The following FRMPD4 variants were observed in gnomAD, a reference collection of about 807,000 sequenced individuals.
The protein encoded by FRMPD4 is FERM and PDZ domain containing 4.
In FRMPD4, 22 loss-of-function variants were observed where a neutral mutation model predicts 94.1. That is an observed-to-expected ratio of 0.23 (90% CI 0.17 to 0.33). The LOEUF is 0.33. FRMPD4 is among the 10% of genes least tolerant of loss of function. The pLI, the probability that FRMPD4 is intolerant of heterozygous loss-of-function variation, is 1.00. For synonymous variants in FRMPD4, 631 were observed against 548.6 expected, an observed-to-expected ratio of 1.15 and a Z score of -2.10; for missense variants, 1,111 against 1,339.9, an observed-to-expected ratio of 0.83 and a Z score of 2.67.
At chrX:12,643,412 C>T (rs1239768905) in intron 4 of FRMPD4, among the ~76,000 whole-genome samples, 2 of 111,668 alleles carry the variant, frequency 1.8e-5, no homozygotes, top group East Asian at 2.8e-4. Context: ...CGTGAGGCAC[C>T]GTGCCTGGCA....
intron 1 of FRMPD4, among the ~76,000 whole-genome samples, chrX:12,374,662 G>T (rs1278205585): frequency 8.9e-6 from 1 of 112,027 alleles, no homozygotes; most frequent in East Asian, 2.8e-4. Flanking sequence ...TAAGATTAGG[G>T]TGAGGGTAGG....
At chrX:12,000,780 C>G (rs1275965379) in intron 3 of FRMPD4, among the ~76,000 whole-genome samples, 2 of 111,841 alleles carry the variant, frequency 1.8e-5, no homozygotes, top group Non-Finnish European at 3.8e-5. Context: ...CCTTCTTTAT[C>G]ACACTGAATT....
chrX:12,466,731 G>C (rs918226787), intron 1 of FRMPD4, among the ~76,000 whole-genome samples: 4 of 112,145 alleles, frequency 3.6e-5, no homozygotes, highest in Admixed American at 9.5e-5. Context: ...TGCACTGCCT[G>C]AAGACCATGC....
intron 2 of FRMPD4, among the ~76,000 whole-genome samples, chrX:12,564,611 T>C (rs12013511): frequency 0.026 from 2,901 of 111,966 alleles, 102 homozygotes; most frequent in African/African-American, 0.09. Flanking sequence ...AAGTGAACTT[T>C]ATACTCAGTA....
chrX:12,157,463 C>T (rs1211138676), intron 1 of FRMPD4, among the ~76,000 whole-genome samples: 1 of 111,512 alleles, frequency 9.0e-6, no homozygotes, highest in Non-Finnish European at 1.9e-5. Flanking sequence ...GAGAGCTTGG[C>T]CCCAGCATTT....
At chrX:12,030,716 C>T (rs1179888005) in intron 3 of FRMPD4, among the ~76,000 whole-genome samples, 1 of 111,442 alleles carries the variant, frequency 9.0e-6, no homozygotes, top group Non-Finnish European at 1.9e-5. Context: ...AAAATGAAGC[C>T]TAAAAGCAAG....
intron 3 of FRMPD4, among the ~76,000 whole-genome samples, chrX:12,040,149 T>A (rs6640869): frequency 0.061 from 6,726 of 110,461 alleles, 243 homozygotes; most frequent in East Asian, 0.23. Flanking sequence ...ATCTGTAACT[T>A]GAAATGTTGA....
intron 1 of FRMPD4, among the ~76,000 whole-genome samples, chrX:12,477,866 T>C (rs2057623575): frequency 8.9e-6 from 1 of 112,639 alleles, no homozygotes; most frequent in Admixed American, 9.4e-5. Flanking sequence ...TGGAGGAACT[T>C]ACAGTTTTGT....
intron 1 of FRMPD4, among the ~76,000 whole-genome samples, chrX:12,324,040 A>G (rs1404124396): frequency 8.9e-6 from 1 of 111,901 alleles, no homozygotes; most frequent in Non-Finnish European, 1.9e-5. Flanking sequence ...TCTGTGTGCC[A>G]TGGCTTTGAA....
chrX:12,362,564 C>T (rs1231201718), intron 1 of FRMPD4, among the ~76,000 whole-genome samples: 2 of 111,442 alleles, frequency 1.8e-5, no homozygotes, highest in Non-Finnish European at 3.8e-5. Context: ...CATAGTATTC[C>T]ATGGTGTATA....
At chrX:11,906,997 T>C (rs887561882) in intron 3 of FRMPD4, among the ~76,000 whole-genome samples, 1 of 111,157 alleles carries the variant, frequency 9.0e-6, no homozygotes, top group African/African-American at 3.3e-5. Flanking sequence ...CAAGTCTGTC[T>C]AGTGAATTTA....
chrX:12,512,705 T>C (rs1159547594), intron 2 of FRMPD4, among the ~76,000 whole-genome samples: 2 of 112,700 alleles, frequency 1.8e-5, no homozygotes, highest in Middle Eastern at 4.6e-3. Context: ...AACTTTATAA[T>C]AGAATGATCT....
At chrX:12,108,255 TG>T (rs1601943164) in intron 3 of FRMPD4, among the ~76,000 whole-genome samples, 1 of 111,121 alleles carries the variant, frequency 9.0e-6, no homozygotes, top group African/African-American at 3.3e-5. Flanking sequence ...CAGAAGAGAG[TG>T]GGGGCCAATA....
Position 12,367,277 on chromosome X carries a change from T to C in FRMPD4, c.42-131403T>C, listed in dbSNP as rs115155861. Among the ~76,000 whole-genome samples the C allele has an allele frequency of 6.2e-3, 696 of 111,666 alleles. 6 individuals carry two copies. The highest frequency in any genetic ancestry group is 0.021 in the African/African-American group (648 of 30,725). ...CCTTTCTAAATACAGATGAGGTTTCTATCCAGCTGGACCACCTCTGGGTGG... is the reference window on the plus strand; with the variant it reads ...CCTTTCTAAATACAGATGAGGTTTCCATCCAGCTGGACCACCTCTGGGTGG... On this transcript the variant is annotated intron_variant, in intron 1 of 16. Coordinates refer to ENST00000675598, the MANE Select transcript of FRMPD4 (RefSeq NM_001368397.1).
intron 2 of FRMPD4, among the ~76,000 whole-genome samples, chrX:12,503,114 A>G (rs2057942059): frequency 8.9e-6 from 1 of 112,264 alleles, no homozygotes; most frequent in African/African-American, 3.2e-5. Context: ...TGTAAATTAC[A>G]GGAAAAAATT....
intron 2 of FRMPD4, among the ~76,000 whole-genome samples, chrX:12,578,944 T>A (rs759150320): frequency 8.9e-6 from 1 of 112,301 alleles, no homozygotes; most frequent in African/African-American, 3.2e-5. Flanking sequence ...ATGGAAAATG[T>A]AACTTTCCAA....
intron 3 of FRMPD4, among the ~76,000 whole-genome samples, chrX:12,055,894 G>A (rs1016546525): frequency 1.2e-4 from 13 of 111,562 alleles, no homozygotes; most frequent in Non-Finnish European, 2.4e-4. Flanking sequence ...AAAACGATAA[G>A]TATTCTGTTT....
intron 2 of FRMPD4, among the ~76,000 whole-genome samples, chrX:11,866,884 A>T (rs746598639): frequency 1.8e-5 from 2 of 111,465 alleles, no homozygotes; most frequent in East Asian, 5.6e-4. Flanking sequence ...TGGTAATATT[A>T]ATAGTTAACA....
chrX:12,392,045 A>T (rs2056481986), intron 1 of FRMPD4, among the ~76,000 whole-genome samples: 1 of 109,740 alleles, frequency 9.1e-6, no homozygotes. Flanking sequence ...TTATTTATTT[A>T]TTTTTTGAGA....
Sources: allele counts gnomAD v4.1 joint callset (sites outside exome capture counted in the v4.1 genomes callset), GRCh38; gene constraint gnomAD v4.1.1; transcripts MANE v1.5; gene names NCBI Gene and HGNC (gene_info 2026-07-23, HGNC 2026-07-21).